Variants in INSC observed in about 807,000 individuals in gnomAD.
INSC encodes protein inscuteable homolog.
Under a neutral mutation model 58.6 loss-of-function variants are expected in INSC, and 67 were observed. The observed-to-expected ratio is 1.14, with a 90% confidence interval of 0.94 to 1.40. The LOEUF (loss-of-function observed/expected upper bound fraction) is 1.40, where lower values mean the gene tolerates loss of function less well. Ranked by LOEUF, INSC falls within the 40% of genes most tolerant of loss-of-function variation. INSC has a pLI of 0.00. For synonymous variants in INSC, 262 were observed against 276.1 expected, an observed-to-expected ratio of 0.95 and a Z score of 0.51; for missense variants, 714 against 692.0, an observed-to-expected ratio of 1.03 and a Z score of -0.36.
rs140256773 is a variant in INSC at position 15,215,021 on chromosome 11, A to C, written c.820-6456A>C. On this transcript the variant is annotated intron_variant, in intron 7 of 12. Transcript: ENST00000379556. Reference sequence around the variant, plus strand: ...TCAGGTATTTCATTATAGCAGCATAAAATAGACTAAGACAATTTCCATGCT... The same window carrying C: ...TCAGGTATTTCATTATAGCAGCATACAATAGACTAAGACAATTTCCATGCT... Among the ~76,000 whole-genome samples, 350 of 152,308 alleles carry C rather than the reference A, an allele frequency of 2.3e-3. 2 individuals are homozygous for C. The Middle Eastern group carries it at 0.027, about 12-fold the overall frequency.
At chr11:15,190,920 A>G in intron 6 of INSC, 106 bp downstream of exon 6, 1 of 724,716 alleles carries the variant, frequency 1.4e-6, no homozygotes, top group Non-Finnish European at 2.5e-6. Flanking sequence ...TGGCCCCTGC[A>G]TTAGCTGCTG....
At chr11:15,113,143 T>TTCTCTC, upstream of INSC, among the ~76,000 whole-genome samples, 5 of 98,630 alleles carry the variant, frequency 5.1e-5, no homozygotes, top group Admixed American at 1.1e-4. Context: ...CTTTCTTTCT[T>TTCTCTC]TCTGTCTCTC....
rs561745729 is a variant in INSC at position 15,230,698 on chromosome 11, A to G, written c.1170+4870A>G. ...CAAGGGCAAACCAAGCACAGAGAATATGGTCTGACTTTTATATGCTCTCTA... is the reference window on the plus strand; with the variant it reads ...CAAGGGCAAACCAAGCACAGAGAATGTGGTCTGACTTTTATATGCTCTCTA... On this transcript the variant is annotated intron_variant, in intron 9 of 12. Transcript: ENST00000379556. Among the ~76,000 whole-genome samples, 8 of 152,310 alleles carry G rather than the reference A, an allele frequency of 5.3e-5. 1 individual carries two copies. In the South Asian group the frequency reaches 1.5e-3, roughly 28 times the overall value.
intron 6 of INSC, among the ~76,000 whole-genome samples, chr11:15,198,462 C>T (rs1203511183): frequency 6.6e-6 from 1 of 152,122 alleles, no homozygotes; most frequent in Admixed American, 6.5e-5. Context: ...GGGCTCAGTG[C>T]CTCCTGAGCC....
At chr11:15,205,095 A>G (rs1186824688) in intron 7 of INSC, among the ~76,000 whole-genome samples, 2 of 152,338 alleles carry the variant, frequency 1.3e-5, no homozygotes, top group Admixed American at 6.5e-5. Context: ...CCAGTCAGTC[A>G]TTCACTTACT....
chr11:15,261,373 C>T, the INSC span, among the ~76,000 whole-genome samples: 2 of 152,160 alleles, frequency 1.3e-5, no homozygotes, highest in African/African-American at 4.8e-5. Flanking sequence ...TGATATGTAA[C>T]AGCAAGGACT....
intron 6 of INSC, among the ~76,000 whole-genome samples, chr11:15,193,990 C>A (rs1007738904): frequency 6.6e-6 from 1 of 152,214 alleles, no homozygotes; most frequent in Non-Finnish European, 1.5e-5. Context: ...TCACACTCAA[C>A]TTCATGGCTG....
At chr11:15,172,299 G>A (rs545585401) in intron 2 of INSC, among the ~76,000 whole-genome samples, 62 of 152,020 alleles carry the variant, frequency 4.1e-4, no homozygotes, top group Admixed American at 1.9e-3. Flanking sequence ...CTTTTCCATC[G>A]TGTCAATCTC....
chr11:15,247,797 CATT>C (rs1852607439), downstream of INSC, among the ~76,000 whole-genome samples: 1 of 146,808 alleles, frequency 6.8e-6, no homozygotes. Flanking sequence ...TGGCAACTTT[CATT>C]ATATGATATC....
intron 1 of INSC, among the ~76,000 whole-genome samples, chr11:15,115,971 A>G (rs1227890858): frequency 6.6e-6 from 1 of 152,208 alleles, no homozygotes; most frequent in Non-Finnish European, 1.5e-5. Context: ...CAATGGGTCC[A>G]AGAAACTGGC....
chr11:15,149,021 G>C, intron 1 of INSC, 109 bp from the exon 2 acceptor site: 1 of 1,323,572 alleles, frequency 7.6e-7, no homozygotes, highest in Non-Finnish European at 9.9e-7. Flanking sequence ...GGGCTAAGAA[G>C]TCTTACCTCT....
chr11:15,149,082 G>A (rs1306764687), intron 1 of INSC, 48 bp from the exon 2 acceptor site: 2 of 1,504,002 alleles, frequency 1.3e-6, no homozygotes, highest in African/African-American at 1.4e-5. Context: ...AAGTGATTGT[G>A]CCTCCTCTTT....
At position 15,201,015 on chromosome 11, in the gene INSC, A is replaced by G; in HGVS notation, c.819+66A>G. On this transcript the variant is annotated intron_variant, in intron 7 of 12. Coordinates refer to ENST00000379556, the MANE Select transcript of INSC (RefSeq NM_001042536.3). ...CAGGTAGGGGTGAGGTCCAGGCCTC[A>G]TGATGGCCATCTGTTCCTTTTCATG... 2.6e-6 allele frequency: 4 copies of G among 1,527,142 alleles called. No individual in the cohort carries two copies. In the East Asian group the frequency reaches 9.8e-5, roughly 37 times the overall value. The allele number at this position is 1,527,142 out of a possible 1,614,324, so 94.6% of individuals were successfully genotyped here.
intron 9 of INSC, among the ~76,000 whole-genome samples, chr11:15,230,005 A>T (rs1437652940): frequency 3.9e-5 from 1 of 25,932 alleles, no homozygotes; most frequent in Non-Finnish European, 6.3e-5. Flanking sequence ...ATATATATAT[A>T]TATATATAAT....
intron 2 of INSC, among the ~76,000 whole-genome samples, chr11:15,161,969 T>C (rs951243159): frequency 6.6e-6 from 1 of 152,150 alleles, no homozygotes; most frequent in Non-Finnish European, 1.5e-5. Context: ...ATAATTATGG[T>C]TTAATTAGCT....
At chr11:15,144,681 T>C (rs1008345428) in intron 1 of INSC, among the ~76,000 whole-genome samples, 4 of 152,206 alleles carry the variant, frequency 2.6e-5, no homozygotes, top group African/African-American at 9.6e-5. Context: ...TGTACCTGGA[T>C]TGGCCCATTA....
At chr11:15,157,754 C>T (rs534620233) in intron 2 of INSC, among the ~76,000 whole-genome samples, 96 of 152,254 alleles carry the variant, frequency 6.3e-4, no homozygotes, top group African/African-American at 1.8e-3. Flanking sequence ...GTGGCGGCAC[C>T]GTGACTGTGG....
intron 9 of INSC, among the ~76,000 whole-genome samples, chr11:15,230,002 TA>T (rs373076107): frequency 0.012 from 326 of 26,340 alleles, 21 homozygotes; most frequent in African/African-American, 0.047. Context: ...TATATATATA[TA>T]TATATATATA....
chr11:15,166,984 A>G (rs1290774841), intron 2 of INSC, among the ~76,000 whole-genome samples: 1 of 152,166 alleles, frequency 6.6e-6, no homozygotes, highest in Non-Finnish European at 1.5e-5. Context: ...ATAATGCATG[A>G]TAAGTGCACA....
Sources: allele counts gnomAD v4.1 joint callset (sites outside exome capture counted in the v4.1 genomes callset), GRCh38; gene constraint gnomAD v4.1.1; transcripts MANE v1.5; gene names NCBI Gene and HGNC (gene_info 2026-07-23, HGNC 2026-07-21).